BICRA: variants seen among roughly 807,000 people sequenced by gnomAD.
The protein encoded by BICRA is BRD4-interacting chromatin-remodeling complex-associated protein.
A neutral mutation model predicts 96.9 loss-of-function variants in BICRA; 31 were observed. The ratio of observed to expected loss-of-function variants is 0.32; its 90% CI spans 0.24 to 0.43. BICRA has a LOEUF of 0.43. Ranked by LOEUF, BICRA falls within the 20% of genes least tolerant of loss-of-function variation. The probability of loss-of-function intolerance (pLI) is 1.00; values close to 1 mark genes in which losing one functional copy is unlikely to be tolerated. For synonymous variants in BICRA, 1,350 were observed against 1,071.8 expected, an observed-to-expected ratio of 1.26 and a Z score of -5.07; for missense variants, 2,283 against 2,190.3, an observed-to-expected ratio of 1.04 and a Z score of -0.84.
At chr19:47,669,948 G>A (rs933129349) in intron 1 of BICRA, among the ~76,000 whole-genome samples, 6 of 146,186 alleles carry the variant, frequency 4.1e-5, no homozygotes, top group African/African-American at 5.1e-5. Context: ...GAGCCACCGC[G>A]CCCGGACAGA....
chr19:47,613,920 A>T (rs977618770), intron 1 of BICRA, among the ~76,000 whole-genome samples: 1 of 151,532 alleles, frequency 6.6e-6, no homozygotes, highest in East Asian at 1.9e-4. Context: ...GTATGTATTC[A>T]TTGGGGGGAG....
At position 47,698,896 on chromosome 19, in the gene BICRA, GCCCTC is replaced by G. The variant is rs1973392548; in HGVS notation, c.3398-67_3398-63del. ...CGGTGCGCTATGCTGACCCTGCCCCGCCCTCCTTCCTGCGCATCCGCGGCCGCCCC... is the reference window on the plus strand; with the variant it reads ...CGGTGCGCTATGCTGACCCTGCCCCGCTTCCTGCGCATCCGCGGCCGCCCC... On this transcript the variant is annotated intron_variant, in intron 12 of 14. Coordinates refer to ENST00000594866, the MANE Select transcript of BICRA (RefSeq NM_001394372.1). This position sits in a 1 kb window ranked among gnomAD's most constrained non-coding sequence, Gnocchi z 4.8. 7.3e-7 allele frequency: 1 copy of G among 1,372,716 alleles called. No individual in the cohort carries two copies. Among genetic ancestry groups the G allele is most frequent in the Admixed American group, 2.0e-5 (1 of 51,140 alleles). 85.0% of individuals were successfully genotyped at this position (1,372,716 alleles called of 1,614,324 possible).
chr19:47,681,385 TGG>T (rs58014830), intron 6 of BICRA, 109 bp downstream of exon 6: 21 of 891,986 alleles, frequency 2.4e-5, no homozygotes, highest in African/African-American at 3.3e-5. Flanking sequence ...CTGTGGCAGC[TGG>T]GGGGGGAAGG....
chr19:47,635,068 G>A (rs1263496840), intron 1 of BICRA, among the ~76,000 whole-genome samples: 1 of 151,650 alleles, frequency 6.6e-6, no homozygotes. Context: ...GGCCACATAC[G>A]TAAAGCTTTT....
At chr19:47,663,654 G>A (rs568154796) in intron 1 of BICRA, 1 of 152,284 alleles carries the variant, frequency 6.6e-6, no homozygotes, top group Admixed American at 6.5e-5. Context: ...TTGCACAACT[G>A]TGGTTACTCT....
At chr19:47,657,164 G>A (rs1156231474) in intron 1 of BICRA, among the ~76,000 whole-genome samples, 1 of 151,838 alleles carries the variant, frequency 6.6e-6, no homozygotes, top group Non-Finnish European at 1.5e-5. Flanking sequence ...CCGGGCCCAT[G>A]TTCTAGATCT....
At chr19:47,669,406 G>T (rs1228335041) in intron 1 of BICRA, among the ~76,000 whole-genome samples, 1 of 152,134 alleles carries the variant, frequency 6.6e-6, no homozygotes, top group African/African-American at 2.4e-5. Flanking sequence ...ATTTTCCCCA[G>T]GAGTGGCAGC....
Position 47,673,563 on chromosome 19 carries a change from CA to C in BICRA, c.-5-6del, listed in dbSNP as rs779323268. 6.8e-6 allele frequency: 11 copies of C among 1,611,714 alleles called. No homozygotes were observed. In the South Asian group the frequency reaches 1.2e-4, roughly 18 times the overall value. On this transcript the variant is annotated splice_region_variant and splice_polypyrimidine_tract_variant and intron_variant, in intron 2 of 14. Transcript: ENST00000594866. ...CCTCGCCCTCTTCCTGACCCCACCC[CA>C]TCCAGTGGCGATGGATGATGAGGAT... is the stretch of plus-strand genomic sequence containing the variant.
chr19:47,681,906 G>T, intron 6 of BICRA, 70 bp from the exon 7 acceptor site: 4 of 1,055,780 alleles, frequency 3.8e-6, no homozygotes, highest in Non-Finnish European at 5.5e-6. Context: ...ATAGGGGCAG[G>T]GGTCTCGGGT....
At position 47,699,971 on chromosome 19, in the gene BICRA, G is replaced by T. The variant is rs983169909; in HGVS notation, c.3595+566G>T. ...GTGCTGCCAGGCGCAGGCTTTTTAC[G>T]TCGAGCTCTGGACCTTAATTTTGAA... On this transcript the variant is annotated intron_variant, in intron 14 of 14. Coordinates refer to ENST00000594866, the MANE Select transcript of BICRA (RefSeq NM_001394372.1). This position sits in a 1 kb window ranked among gnomAD's most constrained non-coding sequence, Gnocchi z 5.0. 1 of 154,554 alleles carries T rather than the reference G, an allele frequency of 6.5e-6. No homozygotes were observed. Among genetic ancestry groups the T allele is most frequent in the Non-Finnish European group, 1.4e-5 (1 of 69,564 alleles). 9.6% of individuals were successfully genotyped at this position (154,554 alleles called of 1,614,324 possible).
rs144397020 is a variant in BICRA, at chr19:47,702,388, C to T, written c.4656C>T (p.Gly1552=). Residue 1552 remains glycine, a synonymous_variant, in exon 15 of 15, where the codon GGC becomes GGT. Coordinates refer to ENST00000594866, the MANE Select transcript of BICRA (RefSeq NM_001394372.1). ...EAYPPSSHNG[G]LGARTLTR The stretch of plus-strand genomic sequence containing the variant: ...ACCCACCCTCCAGTCACAACGGTGG[C>T]CTCGGCGCCAGGACGTTGACCAGAT... The T allele has an allele frequency of 1.5e-5, 22 of 1,517,020 alleles. No homozygotes were observed. Among genetic ancestry groups the T allele is most frequent in the East Asian group, 1.3e-4 (5 of 38,498 alleles). 94.0% of individuals were successfully genotyped at this position (1,517,020 alleles called of 1,614,324 possible). A position where few individuals can be genotyped will look rare whatever the true frequency, so the allele number is the denominator to read the frequency against.
chr19:47,675,557 G>A lies in BICRA; in HGVS notation c.85-294G>A, dbSNP rs978928065. 1.3e-5 allele frequency among the ~76,000 whole-genome samples: 2 copies of A among 152,170 alleles called. No individual in the cohort carries two copies. Among genetic ancestry groups the A allele is most frequent in the Admixed American group, 1.3e-4 (2 of 15,278 alleles). The stretch of plus-strand genomic sequence containing the variant: ...AGAGACTGGGGGGCAGTGGCAGGGC[G>A]CAGCTTGGGCAGAGGCGTGAAGGCA... On this transcript the variant is annotated intron_variant, in intron 4 of 14. Coordinates refer to ENST00000594866, the MANE Select transcript of BICRA (RefSeq NM_001394372.1). The surrounding 1 kb of genome is among the most constrained non-coding windows in gnomAD (Gnocchi z 4.7).
intron 1 of BICRA, among the ~76,000 whole-genome samples, chr19:47,656,741 C>T (rs535648339): frequency 7.2e-5 from 11 of 152,214 alleles, no homozygotes; most frequent in Admixed American, 2.0e-4. Flanking sequence ...CTAGAGAACA[C>T]GTCCATCATC....
intron 1 of BICRA, among the ~76,000 whole-genome samples, chr19:47,617,657 C>T (rs975201511): frequency 6.6e-6 from 1 of 152,062 alleles, no homozygotes; most frequent in Admixed American, 6.6e-5. Context: ...AGCTATGCAC[C>T]TGGCCTTTTT....
intron 1 of BICRA, among the ~76,000 whole-genome samples, chr19:47,635,185 A>G (rs1460998003): frequency 6.6e-6 from 1 of 152,096 alleles, no homozygotes; most frequent in African/African-American, 2.4e-5. Flanking sequence ...TTTTAAGTAT[A>G]CAGTTTGGTG....
intron 1 of BICRA, among the ~76,000 whole-genome samples, chr19:47,666,746 A>AT (rs1972785271): frequency 1.3e-5 from 2 of 150,304 alleles, no homozygotes. Context: ...CTAATTTTAA[A>AT]TTTTTTTGTA....
At chr19:47,623,131 A>G (rs1244034141) in intron 1 of BICRA, among the ~76,000 whole-genome samples, 4 of 152,024 alleles carry the variant, frequency 2.6e-5, no homozygotes, top group African/African-American at 9.7e-5. Flanking sequence ...ATATATAAAA[A>G]TATATACTCC....
chr19:47,644,216 C>T (rs1212342049), intron 1 of BICRA, among the ~76,000 whole-genome samples: 3 of 151,084 alleles, frequency 2.0e-5, no homozygotes, highest in African/African-American at 4.9e-5. Context: ...TTTGCAGAGA[C>T]TTAGGTGCCC....
At position 47,694,917 on chromosome 19, in the gene BICRA, C is replaced by T. The variant is rs778016344; in HGVS notation, c.2913C>T (p.Ile971=). The T allele has an allele frequency of 2.0e-6, 3 of 1,521,808 alleles. No homozygotes were observed. Among genetic ancestry groups the T allele is most frequent in the East Asian group, 2.3e-5 (1 of 44,158 alleles). 94.3% of individuals were successfully genotyped at this position (1,521,808 alleles called of 1,614,324 possible). A position where few individuals can be genotyped will look rare whatever the true frequency, so the allele number is the denominator to read the frequency against. The part of the protein sequence containing the change: ...ERFHQVPSGI[I]LQNKAGGAPA... ...CTCCTCAGGTGCCGTCCGGAATCATCCTCCAGAACAAGGCTGGGGGGGCCC... is the reference window on the plus strand; with the variant it reads ...CTCCTCAGGTGCCGTCCGGAATCATTCTCCAGAACAAGGCTGGGGGGGCCC... Residue 971 remains isoleucine (I), a synonymous_variant, in exon 9 of 15, where the codon ATC becomes ATT. Transcript: ENST00000594866.
Sources: allele counts gnomAD v4.1 joint callset (sites outside exome capture counted in the v4.1 genomes callset), GRCh38; gene constraint gnomAD v4.1.1; non-coding constraint Gnocchi (gnomAD v3.1); transcripts MANE v1.5; gene names NCBI Gene and HGNC (gene_info 2026-07-23, HGNC 2026-07-21).